The following KLF12 variants were observed in gnomAD, a reference collection of about 807,000 sequenced individuals.
KLF12 encodes the protein Krueppel-like factor 12.
A neutral mutation model predicts 37.8 loss-of-function variants in KLF12; 9 were observed. The observed-to-expected ratio is 0.24, with a 90% confidence interval of 0.14 to 0.42. The LOEUF (loss-of-function observed/expected upper bound fraction) is 0.42. Among genes scored for constraint, KLF12 ranks in the 10% least tolerant of loss-of-function variants. The pLI is 1.00. For missense variants in KLF12, 411 were observed against 516.0 expected, an observed-to-expected ratio of 0.80 and a Z score of 1.97; for synonymous variants, 208 against 202.1, an observed-to-expected ratio of 1.03 and a Z score of -0.25.
At chr13:73,813,432 GT>G in intron 4 of KLF12, 145 bp from the exon 5 acceptor site, 1 of 882,370 alleles carries the variant, frequency 1.1e-6, no homozygotes, top group Non-Finnish European at 1.7e-6. Context: ...AAAGCTCCAG[GT>G]TTTATGTTCT....
the KLF12 span, among the ~76,000 whole-genome samples, chr13:74,246,174 T>C: frequency 8.1e-4 from 124 of 152,314 alleles, 1 homozygote; most frequent in Admixed American, 4.5e-3. Flanking sequence ...CAGATCGGCT[T>C]CTGTTAAAAG....
At chr13:73,992,865 A>C (rs1223749632) in intron 2 of KLF12, among the ~76,000 whole-genome samples, 2 of 152,242 alleles carry the variant, frequency 1.3e-5, no homozygotes, top group African/African-American at 4.8e-5. Context: ...CAGACTTAAA[A>C]ACAAGCATCA....
At chr13:74,153,867 C>T in the KLF12 span, among the ~76,000 whole-genome samples, 1 of 152,098 alleles carries the variant, frequency 6.6e-6, no homozygotes. Context: ...CCTTTACTTT[C>T]AAGTTTAAGT....
chr13:74,084,226 G>T (rs1337591718), intron 1 of KLF12, among the ~76,000 whole-genome samples: 1 of 152,060 alleles, frequency 6.6e-6, no homozygotes, highest in South Asian at 2.1e-4. Context: ...TTAAATAAGA[G>T]AATTGAATCA....
upstream of KLF12, among the ~76,000 whole-genome samples, chr13:74,135,667 G>C (rs961081485): frequency 2.6e-5 from 4 of 151,954 alleles, no homozygotes; most frequent in African/African-American, 9.7e-5. Flanking sequence ...AGGTGAGCGC[G>C]GCGCTCCGGG....
chr13:73,813,268 G>C lies in KLF12; in HGVS notation c.690C>G (p.Gly230=). The change falls in exon 5 of 8, where the codon GGC becomes GGG. Residue 230 remains glycine (G), a synonymous_variant. Coordinates refer to ENST00000377669, the MANE Select transcript of KLF12 (RefSeq NM_007249.5). ...CACTTTTACTTTGTCTGGGAGATAG[G>C]CCTCGGGGGTCCATTTGTGCTGGAG... 6.2e-7 allele frequency: 1 copy of C among 1,613,956 alleles called. No individual in the cohort carries two copies. The highest frequency in any genetic ancestry group is 2.2e-5 in the East Asian group (1 of 44,874).
At chr13:73,852,608 C>A (rs2138734071) in intron 3 of KLF12, among the ~76,000 whole-genome samples, 1 of 152,096 alleles carries the variant, frequency 6.6e-6, no homozygotes, top group South Asian at 2.1e-4. Context: ...GAAACCCAGT[C>A]TCTACTAAAA....
chr13:74,241,820 A>G, the KLF12 span, among the ~76,000 whole-genome samples: 1 of 152,036 alleles, frequency 6.6e-6, no homozygotes, highest in Non-Finnish European at 1.5e-5. Context: ...CGGTGCATGC[A>G]CCCACTGACC....
intron 7 of KLF12, among the ~76,000 whole-genome samples, chr13:73,700,024 G>A (rs1442682162): frequency 6.6e-6 from 1 of 152,146 alleles, no homozygotes; most frequent in Non-Finnish European, 1.5e-5. Context: ...CCAGCACTTA[G>A]GGAGGCTGAG....
chr13:74,175,660 A>G, the KLF12 span, among the ~76,000 whole-genome samples: 7 of 152,190 alleles, frequency 4.6e-5, no homozygotes, highest in Non-Finnish European at 1.0e-4. Flanking sequence ...TCTGGAGACT[A>G]TGTAATTGTA....
rs544678138 is a variant in KLF12, at chr13:74,123,842, G to A, written c.-32+9897C>T. On this transcript the variant is annotated intron_variant, in intron 1 of 7. Coordinates refer to ENST00000377669, the MANE Select transcript of KLF12 (RefSeq NM_007249.5). Reference sequence around the variant, plus strand: ...GCAATGGGAAAAAACTATTTTACTGGTGTTGGCAATTAGGGTTCTAGTTCT... The same window carrying A: ...GCAATGGGAAAAAACTATTTTACTGATGTTGGCAATTAGGGTTCTAGTTCT... Among the ~76,000 whole-genome samples the A allele has an allele frequency of 2.6e-5, 4 of 152,312 alleles. No individual in the cohort carries two copies. The East Asian group carries it at 5.8e-4, about 22-fold the overall frequency.
intron 5 of KLF12, among the ~76,000 whole-genome samples, chr13:73,768,698 A>T (rs1880085524): frequency 6.6e-6 from 1 of 152,208 alleles, no homozygotes; most frequent in South Asian, 2.1e-4. Flanking sequence ...TTTGCTTGGT[A>T]TCATGCTAAA....
intron 6 of KLF12, among the ~76,000 whole-genome samples, chr13:73,747,302 G>A (rs1470931343): frequency 1.3e-5 from 2 of 152,158 alleles, no homozygotes; most frequent in African/African-American, 4.8e-5. Flanking sequence ...GCTGCCATCA[G>A]CAAAGAGGTG....
At chr13:73,852,963 G>A (rs1386723122) in intron 3 of KLF12, among the ~76,000 whole-genome samples, 3 of 149,332 alleles carry the variant, frequency 2.0e-5, no homozygotes, top group South Asian at 2.1e-4. Context: ...TCCGCCTGCC[G>A]GGTTCATGCC....
chr13:74,111,474 C>T (rs1234647016), intron 1 of KLF12, among the ~76,000 whole-genome samples: 5 of 152,096 alleles, frequency 3.3e-5, no homozygotes, highest in Non-Finnish European at 7.4e-5. Flanking sequence ...TATCTATAAT[C>T]AATTTACCTT....
chr13:73,746,912 T>C (rs543227150), intron 6 of KLF12, among the ~76,000 whole-genome samples: 14 of 150,476 alleles, frequency 9.3e-5, no homozygotes, highest in Admixed American at 9.3e-4. Context: ...CCTCCCTGGT[T>C]CAGGTGATTC....
At chr13:73,712,136 C>T (rs545422722) in intron 7 of KLF12, among the ~76,000 whole-genome samples, 4 of 151,942 alleles carry the variant, frequency 2.6e-5, no homozygotes, top group East Asian at 1.9e-4. Context: ...GTCGGGAGTT[C>T]GAGACCAGCC....
At chr13:73,789,787 C>T (rs1281732409) in intron 5 of KLF12, among the ~76,000 whole-genome samples, 1 of 152,026 alleles carries the variant, frequency 6.6e-6, no homozygotes, top group Non-Finnish European at 1.5e-5. Context: ...CGCCATTCTC[C>T]TGCCTCAGCC....
At chr13:74,304,190 C>T in the KLF12 span, among the ~76,000 whole-genome samples, 1 of 152,184 alleles carries the variant, frequency 6.6e-6, no homozygotes, top group Non-Finnish European at 1.5e-5. Flanking sequence ...CAAGGGCCCA[C>T]ATCCAAAAAT....
Sources: allele counts gnomAD v4.1 joint callset (sites outside exome capture counted in the v4.1 genomes callset), GRCh38; gene constraint gnomAD v4.1.1; transcripts MANE v1.5; gene names NCBI Gene and HGNC (gene_info 2026-07-23, HGNC 2026-07-21).